JAKMIP3: variants seen among roughly 807,000 people sequenced by gnomAD.
JAKMIP3 encodes the protein Janus kinase and microtubule interacting protein 3.
In JAKMIP3, 58 loss-of-function variants were observed where a neutral mutation model predicts 118.5. That is an observed-to-expected ratio of 0.49 (90% CI 0.40 to 0.61). The LOEUF is 0.61. Among genes scored for constraint, JAKMIP3 ranks in the 20% least tolerant of loss-of-function variants. The pLI, the probability that JAKMIP3 is intolerant of heterozygous loss-of-function variation, is 0.00. For synonymous variants in JAKMIP3, 486 were observed against 451.2 expected (o/e 1.08, Z -0.98); for missense variants, 950 against 1,109.0 (o/e 0.86, Z 2.04).
intron 21 of JAKMIP3, 93 bp from the exon 22 acceptor site, chr10:132,166,890 T>G (rs910095097): frequency 2.3e-6 from 2 of 875,832 alleles, no homozygotes; most frequent in Admixed American, 2.1e-5. Flanking sequence ...CTGTCTTCAG[T>G]CTGTAATCGC....
At chr10:132,153,627 G>A (rs909614113) in intron 17 of JAKMIP3, 132 bp from the exon 18 acceptor site, 3 of 848,730 alleles carry the variant, frequency 3.5e-6, no homozygotes, top group African/African-American at 1.7e-5. Flanking sequence ...CCTGGAGAGG[G>A]CTGTGCTCTC....
At chr10:132,048,762 G>T (rs563457366) in intron 1 of JAKMIP3, among the ~76,000 whole-genome samples, 1 of 144,524 alleles carries the variant, frequency 6.9e-6, no homozygotes, top group East Asian at 2.1e-4. Context: ...TCAGCCTCCT[G>T]AGTAGCTGGA....
intron 1 of JAKMIP3, among the ~76,000 whole-genome samples, chr10:132,087,840 A>G (rs2042591322): frequency 6.6e-6 from 1 of 151,788 alleles, no homozygotes; most frequent in South Asian, 2.1e-4. Context: ...TATATCTCCT[A>G]ATGCTATCCC....
intron 1 of JAKMIP3, among the ~76,000 whole-genome samples, chr10:132,102,645 C>A (rs151305481): frequency 6.6e-6 from 1 of 152,312 alleles, no homozygotes; most frequent in Non-Finnish European, 1.5e-5. Context: ...TGACGGGTCA[C>A]CTCCGACCCT....
At position 132,166,962 on chromosome 10, in the gene JAKMIP3, A is replaced by C. The variant is rs74695407; in HGVS notation, c.2491-21A>C. ...TCTCTTTCTTTCCTTCCGTTTCTCC[A>C]TCCTCCCCTTTCCGTTTCAGTTTCT... On this transcript the variant is annotated intron_variant, in intron 21 of 23. Transcript: ENST00000684848. 2,625 of 1,499,130 alleles carry C rather than the reference A, an allele frequency of 1.8e-3. 37 individuals are homozygous for C. In the African/African-American group the frequency reaches 0.032, roughly 18 times the overall value. 92.9% of individuals were successfully genotyped at this position (1,499,130 alleles called of 1,614,324 possible). A position where few individuals can be genotyped will look rare whatever the true frequency, so the allele number is the denominator to read the frequency against.
intron 3 of JAKMIP3, among the ~76,000 whole-genome samples, chr10:132,129,875 C>CT (rs5789115): frequency 0.48 from 66,902 of 138,704 alleles, 16,324 homozygotes; most frequent in Non-Finnish European, 0.54. Context: ...GCATCAGTAC[C>CT]TTTTTTTTTT....
chr10:132,157,569 T>G (rs1443721429), intron 19 of JAKMIP3, among the ~76,000 whole-genome samples: 2 of 152,194 alleles, frequency 1.3e-5, no homozygotes, highest in East Asian at 3.8e-4. Context: ...CCATAGTAGG[T>G]ATAACTTGCA....
chr10:132,180,584 C>CGTGTGTGCGT (rs1485915300), intron 23 of JAKMIP3, among the ~76,000 whole-genome samples: 2 of 9,864 alleles, frequency 2.0e-4, no homozygotes, highest in African/African-American at 9.1e-4. Flanking sequence ...TGTGTGCGTG[C>CGTGTGTGCGT]GCGTGTGTGT....
At position 132,156,160 on chromosome 10, in the gene JAKMIP3, C is replaced by T. The variant is rs574358118; in HGVS notation, c.2220+2170C>T. On this transcript the variant is annotated intron_variant, in intron 19 of 23. Transcript: ENST00000684848. ...CTCCCAGCTGCCCTTACTGGAGAGA[C>T]CTTCTTGCTGAGGCGACAGGTCCTG... 8.5e-5 allele frequency among the ~76,000 whole-genome samples: 13 copies of T among 152,324 alleles called. No individual in the cohort carries two copies. In the East Asian group the frequency reaches 9.6e-4, roughly 11 times the overall value.
At chr10:132,041,941 A>G (rs1043590759) in intron 1 of JAKMIP3, among the ~76,000 whole-genome samples, 1 of 150,858 alleles carries the variant, frequency 6.6e-6, no homozygotes, top group Non-Finnish European at 1.5e-5. Flanking sequence ...ATCTCGGGTC[A>G]CTGCACCCTC....
chr10:132,091,595 C>G (rs1362825740), intron 1 of JAKMIP3, among the ~76,000 whole-genome samples: 1 of 151,890 alleles, frequency 6.6e-6, no homozygotes, highest in African/African-American at 2.4e-5. Context: ...GGATTGCAAC[C>G]CCTGCTTTTT....
At chr10:132,152,763 C>T (rs1304478226) in intron 16 of JAKMIP3, among the ~76,000 whole-genome samples, 195 bp from the exon 17 acceptor site, 3 of 152,108 alleles carry the variant, frequency 2.0e-5, no homozygotes, top group East Asian at 1.9e-4. Context: ...CGGCAGCACC[C>T]GGAGGGAACA....
chr10:132,146,192 G>A (rs1016016277), intron 13 of JAKMIP3, among the ~76,000 whole-genome samples: 11 of 139,456 alleles, frequency 7.9e-5, no homozygotes, highest in African/African-American at 1.6e-4. Context: ...ACTATCAGAC[G>A]TAAAACAGAT....
chr10:132,176,144 G>A (rs899207148), intron 23 of JAKMIP3, among the ~76,000 whole-genome samples: 27 of 152,200 alleles, frequency 1.8e-4, no homozygotes, highest in African/African-American at 5.3e-4. Context: ...GCACCTGCCC[G>A]TTAAGGCAGC....
intron 1 of JAKMIP3, among the ~76,000 whole-genome samples, chr10:132,048,752 T>G (rs2038010198): frequency 6.7e-6 from 1 of 148,758 alleles, no homozygotes; most frequent in Non-Finnish European, 1.5e-5. Context: ...TTCTCCTGGC[T>G]CAGCCTCCTG....
At chr10:132,038,182 A>G (rs79793132) in intron 1 of JAKMIP3, among the ~76,000 whole-genome samples, 11 of 152,324 alleles carry the variant, frequency 7.2e-5, no homozygotes, top group African/African-American at 2.6e-4. Context: ...TTTATTGTCA[A>G]TTTCCAATGA....
chr10:132,170,429 G>A (rs2059384579), intron 23 of JAKMIP3, among the ~76,000 whole-genome samples: 1 of 152,178 alleles, frequency 6.6e-6, no homozygotes, highest in South Asian at 2.1e-4. Context: ...CACAGCAGGG[G>A]CAGGTGGACC....
chr10:132,080,503 AT>A (rs201838731), intron 1 of JAKMIP3, among the ~76,000 whole-genome samples: 73 of 61,510 alleles, frequency 1.2e-3, no homozygotes, highest in Non-Finnish European at 1.8e-3. Context: ...AAGTTATAGG[AT>A]TTTTTTTTTT....
intron 23 of JAKMIP3, among the ~76,000 whole-genome samples, chr10:132,174,985 G>A (rs2060015705): frequency 6.6e-6 from 1 of 152,070 alleles, no homozygotes; most frequent in African/African-American, 2.4e-5. Context: ...GTTTTGAGAG[G>A]CTCTTCCTCT....
Sources: gnomAD v4.1 joint callset for allele counts (sites outside exome capture counted in the v4.1 genomes callset) on GRCh38, gnomAD v4.1.1 for gene constraint, MANE v1.5 for transcripts, NCBI Gene and HGNC (gene_info 2026-07-23, HGNC 2026-07-21) for gene names.